TLR2: variants seen among roughly 807,000 people sequenced by gnomAD.
TLR2 encodes toll-like receptor 2.
A neutral mutation model predicts 9.1 loss-of-function variants in TLR2; 7 were observed. That is an observed-to-expected ratio of 0.77 (90% CI 0.44 to 1.44). The LOEUF is 1.44. Ranked by LOEUF, TLR2 falls within the 40% of genes most tolerant of loss-of-function variation. TLR2 has a pLI of 0.01. For missense variants in TLR2, 812 were observed against 904.6 expected, an observed-to-expected ratio of 0.90 and a Z score of 1.31; for synonymous variants, 317 against 344.6, an observed-to-expected ratio of 0.92 and a Z score of 0.89.
At chr4:153,707,799 G>A (rs560720496), downstream of TLR2, among the ~76,000 whole-genome samples, 36 of 151,960 alleles carry the variant, frequency 2.4e-4, no homozygotes, top group Admixed American at 3.9e-4. Flanking sequence ...TCTTTAGGAC[G>A]GACGTGGTGG....
chr4:153,709,485 T>A (rs1737434165), downstream of TLR2, among the ~76,000 whole-genome samples: 1 of 152,202 alleles, frequency 6.6e-6, no homozygotes, highest in African/African-American at 2.4e-5. Flanking sequence ...TTAATTTTGT[T>A]CCCTTCTGCC....
intron 2 of TLR2, among the ~76,000 whole-genome samples, chr4:153,690,522 G>C (rs1236539483): frequency 1.3e-5 from 2 of 152,190 alleles, no homozygotes; most frequent in Non-Finnish European, 2.9e-5. Flanking sequence ...CTCCTGATTG[G>C]CATGTAGCCC....
At chr4:153,696,568 A>G (rs1449685613) in intron 2 of TLR2, among the ~76,000 whole-genome samples, 1 of 152,196 alleles carries the variant, frequency 6.6e-6, no homozygotes, top group Admixed American at 6.5e-5. Context: ...AATTTCACTG[A>G]ATTTGCTTAT....
Position 153,704,047 on chromosome 4 carries a change from AGCCTGTGAGGAT to A in TLR2, c.1146_1157del (p.Cys382_Ala385del). On this transcript the variant is annotated inframe_deletion, in exon 3 of 3. Coordinates refer to ENST00000642700, the MANE Select transcript of TLR2 (RefSeq NM_001318789.2). ...TGGTTGAAGAATACTTGAAAAATTC[AGCCTGTGAGGAT>A]GCCTGGCCCTCTCTACAAACTTTAA... 1 of 1,614,158 alleles carries A rather than the reference AGCCTGTGAGGAT, an allele frequency of 6.2e-7. No individual in the cohort carries two copies. The highest frequency in any genetic ancestry group is 1.1e-5 in the South Asian group (1 of 91,070).
intron 1 of TLR2, among the ~76,000 whole-genome samples, chr4:153,685,936 G>A (rs1735671374): frequency 6.6e-6 from 1 of 152,166 alleles, no homozygotes; most frequent in Admixed American, 6.5e-5. Flanking sequence ...TCATGGTTCT[G>A]GAGTCTGGGA....
At chr4:153,706,327 A>C (rs1417813370), downstream of TLR2, among the ~76,000 whole-genome samples, 1 of 152,164 alleles carries the variant, frequency 6.6e-6, no homozygotes, top group Non-Finnish European at 1.5e-5. Flanking sequence ...TTATTGTCCA[A>C]TCACTCTGAC....
rs1483078801 is a variant in TLR2 at position 153,702,926 on chromosome 4, A to G, written c.19A>G (p.Met7Val). ...CTGGACAATGCCACATACTTTGTGG[A>G]TGGTGTGGGTCTTGGGGGTCATCAT... MPHTLW[M>V]VWVLGVIISL... Residue 7 changes from methionine to valine, a missense_variant, in exon 3 of 3, where the codon ATG (methionine) becomes GTG (valine). Met to Val is a conservative substitution (Grantham distance 21). Coordinates refer to ENST00000642700, the MANE Select transcript of TLR2 (RefSeq NM_001318789.2). 6.2e-7 allele frequency: 1 copy of G among 1,610,684 alleles called. No homozygotes were observed. Among genetic ancestry groups the G allele is most frequent in the Non-Finnish European group, 8.5e-7 (1 of 1,178,252 alleles).
intron 1 of TLR2, among the ~76,000 whole-genome samples, chr4:153,687,520 A>G (rs1735792688): frequency 6.6e-6 from 1 of 152,216 alleles, no homozygotes; most frequent in South Asian, 2.1e-4. Context: ...GACTGTCTCT[A>G]CACTTTGAGT....
intron 2 of TLR2, among the ~76,000 whole-genome samples, chr4:153,700,892 T>A (rs1270166497): frequency 6.6e-6 from 1 of 152,158 alleles, no homozygotes; most frequent in Non-Finnish European, 1.5e-5. Flanking sequence ...TTCCTCAAGA[T>A]GATCTGTAAA....
chr4:153,686,885 C>T (rs1325948880), intron 1 of TLR2, among the ~76,000 whole-genome samples: 1 of 152,070 alleles, frequency 6.6e-6, no homozygotes. Context: ...ATACTACTTC[C>T]AACAGCAGCT....
rs1281344715 is a variant in TLR2 at position 153,703,824 on chromosome 4, C to T, written c.917C>T (p.Pro306Leu). ...RASDNDRVID[P>L]GKVETLTIRR... ...TCTGATAATGACAGAGTTATAGATC[C>T]AGGTAAAGTGGAAACGTTAACAATC... The change falls in exon 3 of 3, where the codon CCA becomes CTA. Residue 306 changes from proline (P) to leucine (L), a missense_variant. Pro to Leu is a moderately conservative substitution (Grantham distance 98, BLOSUM62 -3). Coordinates refer to ENST00000642700, the MANE Select transcript of TLR2 (RefSeq NM_001318789.2). The T allele has an allele frequency of 6.2e-7, 1 of 1,613,892 alleles. No individual in the cohort carries two copies. The highest frequency in any genetic ancestry group is 8.5e-7 in the Non-Finnish European group (1 of 1,179,948).
At chr4:153,695,545 T>C (rs908942059) in intron 2 of TLR2, among the ~76,000 whole-genome samples, 2 of 152,200 alleles carry the variant, frequency 1.3e-5, no homozygotes, top group Non-Finnish European at 2.9e-5. Flanking sequence ...TCCTATTGAG[T>C]TATTTGATCT....
chr4:153,703,197 C>T lies in TLR2; in HGVS notation c.290C>T (p.Ser97Phe). 6.2e-7 allele frequency: 1 copy of T among 1,614,208 alleles called. No individual in the cohort carries two copies. Among genetic ancestry groups the T allele is most frequent in the Non-Finnish European group, 8.5e-7 (1 of 1,180,026 alleles). The change falls in exon 3 of 3, where the codon TCT becomes TTT. Residue 97 changes from serine (S) to phenylalanine (F), a missense_variant. Physicochemically the swap from Ser to Phe is radical, Grantham distance 155. Transcript: ENST00000642700. ...GINTIEEDSF[S>F]SLGSLEHLDL... ...AACACAATAGAGGAAGATTCTTTTT[C>T]TTCCCTGGGCAGTCTTGAACATTTA...
chr4:153,701,583 G>A (rs1054784568), intron 2 of TLR2: 1 of 152,112 alleles, frequency 6.6e-6, no homozygotes, highest in African/African-American at 2.4e-5. Flanking sequence ...TGGAGATGAT[G>A]AATATGTTTA....
intron 2 of TLR2, among the ~76,000 whole-genome samples, chr4:153,693,824 A>G (rs754244492): frequency 4.6e-5 from 7 of 152,184 alleles, no homozygotes; most frequent in Non-Finnish European, 1.0e-4. Flanking sequence ...ATTGCTTAAG[A>G]GTACTCGGGT....
intron 2 of TLR2, 158 bp from the exon 3 acceptor site, chr4:153,702,734 A>G: frequency 3.0e-6 from 2 of 661,398 alleles, no homozygotes; most frequent in South Asian, 2.3e-5. Context: ...CATTCGTTCC[A>G]TTCATCTGTT....
chr4:153,703,466 C>T lies in TLR2; in HGVS notation c.559C>T (p.Gln187Ter). The T allele has an allele frequency of 1.9e-6, 3 of 1,613,896 alleles. No individual in the cohort carries two copies. The highest frequency in any genetic ancestry group is 2.5e-6 in the Non-Finnish European group (3 of 1,179,950). Reference protein sequence around the residue: ...EELEIDASDLQSYEPKSLKSI... With the variant: ...EELEIDASDL ...ACTTGAGATTGATGCTTCAGATCTA[C>T]AGAGCTATGAGCCAAAAAGTTTGAA... Residue 187 changes from glutamine to a stop codon, truncating the protein, a stop_gained, in exon 3 of 3, where the codon CAG becomes TAG. Transcript: ENST00000642700. LOFTEE classifies it low-confidence loss of function (END_TRUNC).
chr4:153,702,693 G>A (rs772327994), intron 2 of TLR2, 199 bp from the exon 3 acceptor site: 10 of 566,290 alleles, frequency 1.8e-5, no homozygotes, highest in Non-Finnish European at 3.1e-5. Context: ...ATTGCTGAAT[G>A]TATCAGGGAA....
chr4:153,707,338 AGGAGTT>A (rs371201721), downstream of TLR2, among the ~76,000 whole-genome samples: 30 of 152,052 alleles, frequency 2.0e-4, no homozygotes, highest in African/African-American at 6.5e-4. Context: ...GCTTGAGTCC[AGGAGTT>A]GGAGACCAGC....
Sources: allele counts gnomAD v4.1 joint callset (sites outside exome capture counted in the v4.1 genomes callset), GRCh38; gene constraint gnomAD v4.1.1; transcripts MANE v1.5; gene names NCBI Gene and HGNC (gene_info 2026-07-23, HGNC 2026-07-21).